Variants in ANKH observed in about 807,000 individuals in gnomAD.
ANKH encodes ANKH inorganic pyrophosphate transport regulator, also known as mineralization regulator ANKH.
In ANKH, 15 loss-of-function variants were observed where a neutral mutation model predicts 49.0. That is an observed-to-expected ratio of 0.31 (90% confidence interval 0.20 to 0.47). The LOEUF is 0.47. Among genes scored for constraint, ANKH ranks in the 20% least tolerant of loss-of-function variants. The probability of loss-of-function intolerance (pLI) is 1.00; values close to 1 mark genes in which losing one functional copy is unlikely to be tolerated. For synonymous variants in ANKH, 273 were observed against 260.0 expected (o/e 1.05, Z -0.48); for missense variants, 429 against 652.0 (o/e 0.66, Z 3.72).
intron 1 of ANKH, 51 bp from the exon 2 acceptor site, chr5:14,769,242 T>C (rs1181108695): frequency 2.1e-6 from 3 of 1,439,224 alleles, no homozygotes; most frequent in East Asian, 4.9e-5. Context: ...ATCTCTTCTC[T>C]GGGGAATCAT....
chr5:14,832,281 G>A (rs1054566031), intron 1 of ANKH, among the ~76,000 whole-genome samples: 1 of 152,102 alleles, frequency 6.6e-6, no homozygotes, highest in Admixed American at 6.5e-5. Context: ...TGCTGCCACA[G>A]ACAAAAATTT....
chr5:14,808,023 G>A lies in ANKH; in HGVS notation c.97-38832C>T, dbSNP rs563008647. Among the ~76,000 whole-genome samples the A allele has an allele frequency of 3.9e-5, 6 of 152,296 alleles. No individual in the cohort carries two copies. In the Middle Eastern group the frequency reaches 0.01, roughly 261 times the overall value. ...GTCATTTATGAAATTGTTTTGCAAA[G>A]AGTAACTTTTTCCATGCTCTGAAAT... On this transcript the variant is annotated intron_variant, in intron 1 of 11. Coordinates refer to ENST00000284268, the MANE Select transcript of ANKH (RefSeq NM_054027.6).
intron 1 of ANKH, among the ~76,000 whole-genome samples, chr5:14,867,823 GTGTT>G (rs1735695280): frequency 6.6e-6 from 1 of 152,158 alleles, no homozygotes; most frequent in Non-Finnish European, 1.5e-5. Flanking sequence ...CCTCCCAAAG[GTGTT>G]CCCATTTTCT....
At chr5:14,753,029 A>G (rs1464541749) in intron 4 of ANKH, among the ~76,000 whole-genome samples, 1 of 152,182 alleles carries the variant, frequency 6.6e-6, no homozygotes, top group African/African-American at 2.4e-5. Context: ...GATGCACGAG[A>G]AAGCAGGGAA....
chr5:14,793,069 A>G (rs944749621), intron 1 of ANKH, among the ~76,000 whole-genome samples: 4 of 10,272 alleles, frequency 3.9e-4, no homozygotes, highest in Admixed American at 1.6e-3. Flanking sequence ...AAATATATAT[A>G]AATATATAAA....
chr5:14,795,387 A>C (rs1381353409), intron 1 of ANKH, among the ~76,000 whole-genome samples: 2 of 152,200 alleles, frequency 1.3e-5, no homozygotes, highest in Non-Finnish European at 2.9e-5. Context: ...AACTAGAGAG[A>C]TCCCTACAAT....
chr5:14,733,124 G>GGGA (rs1738056312), intron 8 of ANKH, among the ~76,000 whole-genome samples: 1 of 152,222 alleles, frequency 6.6e-6, no homozygotes, highest in African/African-American at 2.4e-5. Flanking sequence ...GCCATCTCCA[G>GGGA]GGAGGACTAC....
chr5:14,803,039 C>A (rs1018592857), intron 1 of ANKH, among the ~76,000 whole-genome samples: 4 of 152,148 alleles, frequency 2.6e-5, no homozygotes, highest in Middle Eastern at 3.2e-3. Context: ...TCTTCCATAC[C>A]GTGAATTGCT....
intron 1 of ANKH, among the ~76,000 whole-genome samples, chr5:14,800,911 A>T (rs1231591901): frequency 1.3e-5 from 2 of 151,960 alleles, no homozygotes; most frequent in Non-Finnish European, 2.9e-5. Context: ...TTTTTTGTAA[A>T]GATGAGGTCT....
chr5:14,742,279 C>T (rs1166093236), intron 7 of ANKH, among the ~76,000 whole-genome samples: 1 of 152,214 alleles, frequency 6.6e-6, no homozygotes, highest in African/African-American at 2.4e-5. Context: ...GCCTGGCCAC[C>T]ATCGGCATCT....
At chr5:14,733,312 T>G (rs545653731) in intron 8 of ANKH, among the ~76,000 whole-genome samples, 38 of 152,212 alleles carry the variant, frequency 2.5e-4, no homozygotes, top group Non-Finnish European at 5.1e-4. Context: ...CCATTTACCT[T>G]ACTGTGCCCG....
At chr5:14,835,819 G>C (rs1741634941) in intron 1 of ANKH, among the ~76,000 whole-genome samples, 1 of 151,950 alleles carries the variant, frequency 6.6e-6, no homozygotes, top group South Asian at 2.1e-4. Context: ...ACAAAAAAAA[G>C]AGAATTTTAG....
rs778266251 is a variant in ANKH, at chr5:14,758,464, G to C, written c.432+16C>G. ...TTAAAGAAAAAGAAAGAAAGCCAAC[G>C]ATCTTCTCTACTCACCATTGCGTCC... On this transcript the variant is annotated intron_variant, in intron 3 of 11. Coordinates refer to ENST00000284268, the MANE Select transcript of ANKH (RefSeq NM_054027.6). 3 of 1,587,432 alleles carry C rather than the reference G, an allele frequency of 1.9e-6. No homozygotes were observed. Among genetic ancestry groups the C allele is most frequent in the Non-Finnish European group, 2.6e-6 (3 of 1,155,842 alleles).
intron 1 of ANKH, among the ~76,000 whole-genome samples, chr5:14,819,518 A>G (rs1323021653): frequency 6.6e-6 from 1 of 152,182 alleles, no homozygotes; most frequent in Non-Finnish European, 1.5e-5. Context: ...TCTGCCACAG[A>G]GAGAGCTACT....
rs377724217 is a variant in ANKH, at chr5:14,770,745, T to C, written c.97-1554A>G. On this transcript the variant is annotated intron_variant, in intron 1 of 11. Coordinates refer to ENST00000284268, the MANE Select transcript of ANKH (RefSeq NM_054027.6). The surrounding 1 kb of genome is among the most constrained non-coding windows in gnomAD (Gnocchi z 4.1). ...AACCATGGGTAACTGTAACCATGGA[T>C]AGTAAAACTGTGGATAGGGGTGACT... 2.2e-4 allele frequency among the ~76,000 whole-genome samples: 34 copies of C among 152,312 alleles called. No homozygotes were observed. The highest frequency in any genetic ancestry group is 5.8e-4 in the African/African-American group (24 of 41,576).
At position 14,749,117 on chromosome 5, in the gene ANKH, C is replaced by A. The variant is rs72732802; in HGVS notation, c.822+55G>T. On this transcript the variant is annotated intron_variant, in intron 6 of 11. Coordinates refer to ENST00000284268, the MANE Select transcript of ANKH (RefSeq NM_054027.6). ...GAAGAACTGGAAATCAGTTTCAGCA[C>A]CCCCCTGCCCCACCAAGGTGATCAT... The A allele has an allele frequency of 0.024, 39,257 of 1,608,428 alleles. 585 individuals carry two copies. Among genetic ancestry groups the A allele is most frequent in the Non-Finnish European group, 0.028 (32,475 of 1,175,792 alleles).
chr5:14,758,982 A>C (rs1561041964), intron 2 of ANKH, among the ~76,000 whole-genome samples: 1 of 152,186 alleles, frequency 6.6e-6, no homozygotes, highest in African/African-American at 2.4e-5. Flanking sequence ...CCAGTCTCCT[A>C]TTGCTACACA....
intron 1 of ANKH, among the ~76,000 whole-genome samples, chr5:14,853,626 T>G (rs1742176017): frequency 6.6e-6 from 1 of 152,016 alleles, no homozygotes; most frequent in South Asian, 2.1e-4. Flanking sequence ...TAAACATGAT[T>G]TATATATTAT....
chr5:14,791,407 A>G (rs963170423), intron 1 of ANKH, among the ~76,000 whole-genome samples: 1 of 152,038 alleles, frequency 6.6e-6, no homozygotes, highest in African/African-American at 2.4e-5. Flanking sequence ...AAAGATCTAG[A>G]CTCAATGAAG....
Sources: allele counts gnomAD v4.1 joint callset (sites outside exome capture counted in the v4.1 genomes callset), GRCh38; gene constraint gnomAD v4.1.1; non-coding constraint Gnocchi (gnomAD v3.1); transcripts MANE v1.5; gene names NCBI Gene and HGNC (gene_info 2026-07-23, HGNC 2026-07-21).